SLC40A1: variants seen among roughly 807,000 people sequenced by gnomAD.
The protein encoded by SLC40A1 is ferroportin.
A neutral mutation model predicts 53.5 loss-of-function variants in SLC40A1; 16 were observed. The ratio of observed to expected loss-of-function variants is 0.30; its 90% CI spans 0.20 to 0.45. The LOEUF (loss-of-function observed/expected upper bound fraction) is 0.45. Among genes scored for constraint, SLC40A1 ranks in the 20% least tolerant of loss-of-function variants. SLC40A1 has a pLI of 1.00. For missense variants in SLC40A1, 545 were observed against 695.4 expected (o/e 0.78, Z 2.43); for synonymous variants, 247 against 253.2 (o/e 0.98, Z 0.23).
In SLC40A1 at chr2:189,562,010, G is replaced by C; in HGVS notation, c.1584C>G (p.Val528=). ...TAATGTGGCCCATTGCCACAAAGGA[G>C]ACTGAAATCAATACGAGCAAGCCAA... ...EAFGLLVLIS[V]SFVAMGHIMY... is the part of the protein sequence containing the mutation. Residue 528 remains valine (V), a synonymous_variant, in exon 8 of 8, where the codon GTC becomes GTG. Transcript: ENST00000261024. 2 of 1,614,098 alleles carry C rather than the reference G, an allele frequency of 1.2e-6. No individual in the cohort carries two copies. Among genetic ancestry groups the C allele is most frequent in the Non-Finnish European group, 1.7e-6 (2 of 1,179,996 alleles).
chr2:189,574,018 G>A (rs1298755630), intron 3 of SLC40A1, among the ~76,000 whole-genome samples: 2 of 152,192 alleles, frequency 1.3e-5, no homozygotes, highest in Admixed American at 1.3e-4. Flanking sequence ...TGTAAGAGCA[G>A]AGGTGGTAAC....
intron 4 of SLC40A1, 98 bp from the exon 5 acceptor site, chr2:189,571,939 G>A: frequency 1.2e-6 from 1 of 809,652 alleles, no homozygotes; most frequent in Non-Finnish European, 2.2e-6. Flanking sequence ...TTGGTGGAAT[G>A]ATAAAAAAAG....
intron 6 of SLC40A1, 126 bp downstream of exon 6, chr2:189,565,228 A>C (rs1300224217): frequency 8.3e-7 from 1 of 1,199,242 alleles, no homozygotes; most frequent in Non-Finnish European, 1.2e-6. Flanking sequence ...CCAAAGCGAT[A>C]TATTTAACCT....
chr2:189,578,090 G>C (rs912837650), intron 2 of SLC40A1: 2 of 552,428 alleles, frequency 3.6e-6, no homozygotes, highest in Admixed American at 6.3e-5. Context: ...GACTTGGCAG[G>C]GTGGGACGGA....
rs547834367 is a variant in SLC40A1 at position 189,564,756 on chromosome 2, C to T, written c.761-531G>A. ...TTGGGAGGCTGAGGCAGGAGAATGG[C>T]GTGAACCCAGGAGGCAGAGCTTGCA... On this transcript the variant is annotated intron_variant, in intron 6 of 7. Coordinates refer to ENST00000261024, the MANE Select transcript of SLC40A1 (RefSeq NM_014585.6). 4.6e-5 allele frequency among the ~76,000 whole-genome samples: 7 copies of T among 152,242 alleles called. No individual in the cohort carries two copies. In the South Asian group the frequency reaches 1.4e-3, roughly 32 times the overall value.
chr2:189,575,140 T>C, intron 3 of SLC40A1, 21 bp downstream of exon 3: 4 of 1,613,672 alleles, frequency 2.5e-6, no homozygotes, highest in Non-Finnish European at 3.4e-6. Flanking sequence ...TAAAAGGGCT[T>C]AATTATATAA....
At chr2:189,580,036 T>C (rs1574248669) in intron 1 of SLC40A1, among the ~76,000 whole-genome samples, 156 bp from the exon 2 acceptor site, 1 of 152,248 alleles carries the variant, frequency 6.6e-6, no homozygotes, top group East Asian at 1.9e-4. Flanking sequence ...TATGAACCGA[T>C]GTATTTCGTT....
chr2:189,570,075 C>T, intron 5 of SLC40A1, among the ~76,000 whole-genome samples: 2 of 143,680 alleles, frequency 1.4e-5, no homozygotes, highest in African/African-American at 5.1e-5. Context: ...TATATATATA[C>T]ACATCTATAT....
At position 189,572,500 on chromosome 2, in the gene SLC40A1, C is replaced by T. The variant is rs890519585; in HGVS notation, c.387+346G>A. ...GAAGTAACAATTATTATTGGAGGAA[C>T]GCAATTATGACTGACTAATATAGAT... On this transcript the variant is annotated intron_variant, in intron 4 of 7. Transcript: ENST00000261024. The T allele has an allele frequency of 3.6e-5, 11 of 308,588 alleles. 1 individual carries two copies. Among genetic ancestry groups the T allele is most frequent in the South Asian group, 2.7e-4 (8 of 29,292 alleles). 19.1% of individuals were successfully genotyped at this position (308,588 alleles called of 1,614,324 possible). A position where few individuals can be genotyped will look rare whatever the true frequency, so the allele number is the denominator to read the frequency against.
At chr2:189,579,775 T>C (rs546348281) in intron 2 of SLC40A1, 38 bp downstream of exon 2, 1 of 1,563,560 alleles carries the variant, frequency 6.4e-7, no homozygotes, top group African/African-American at 1.4e-5. Flanking sequence ...AATAAAAAAT[T>C]GCGCAACTGT....
At position 189,564,242 on chromosome 2, in the gene SLC40A1, C is replaced by A. The variant is rs760117103; in HGVS notation, c.761-17G>T. 7 of 1,611,306 alleles carry A rather than the reference C, an allele frequency of 4.3e-6. No individual in the cohort carries two copies. Among genetic ancestry groups the A allele is most frequent in the East Asian group, 2.2e-5 (1 of 44,860 alleles). ...GCTCAGTATCTGTTAAGAAAAGATA[C>A]CATTATTTTGTTGGGGAGGACATGT... On this transcript the variant is annotated splice_polypyrimidine_tract_variant and intron_variant, in intron 6 of 7. Transcript: ENST00000261024.
chr2:189,562,087 G>A lies in SLC40A1; in HGVS notation c.1507C>T (p.Leu503Phe). ...ACCATGATGAAATGCAGAAGATCAA[G>A]AAGATAGTTCATGGAGTTCTGTACA... ...NGVQNSMNYL[L>F]DLLHFIMVIL... Residue 503 changes from leucine to phenylalanine, a missense_variant, in exon 8 of 8, where the codon CTT becomes TTT. Leu to Phe is a conservative substitution (Grantham distance 22). Coordinates refer to ENST00000261024, the MANE Select transcript of SLC40A1 (RefSeq NM_014585.6). 6.2e-7 allele frequency: 1 copy of A among 1,614,042 alleles called. No individual in the cohort carries two copies. Among genetic ancestry groups the A allele is most frequent in the Non-Finnish European group, 8.5e-7 (1 of 1,179,924 alleles).
At position 189,572,612 on chromosome 2, in the gene SLC40A1, A is replaced by T. The variant is rs2031165803; in HGVS notation, c.387+234T>A. On this transcript the variant is annotated intron_variant, in intron 4 of 7. Coordinates refer to ENST00000261024, the MANE Select transcript of SLC40A1 (RefSeq NM_014585.6). ...CAACTGAATTCTATAGTAAACTCTT[A>T]GAAATGCCATTAGAAACCAATAGGA... The T allele has an allele frequency of 1.6e-5, 9 of 579,426 alleles. No homozygotes were observed. The South Asian group carries it at 1.6e-4, about 11-fold the overall frequency. The allele number at this position is 579,426 out of a possible 1,614,324, so 35.9% of individuals were successfully genotyped here. A position where few individuals can be genotyped will look rare whatever the true frequency, so the allele number is the denominator to read the frequency against.
At chr2:189,565,714 C>A in intron 5 of SLC40A1, 115 bp from the exon 6 acceptor site, 2 of 1,412,330 alleles carry the variant, frequency 1.4e-6, no homozygotes, top group Non-Finnish European at 2.0e-6. Flanking sequence ...ATGTGGTTTT[C>A]TAAAAGTACA....
In SLC40A1 at chr2:189,580,589, A is replaced by C; in HGVS notation, c.-129T>G. 1 of 1,580,554 alleles carries C rather than the reference A, an allele frequency of 6.3e-7. No homozygotes were observed. Among genetic ancestry groups the C allele is most frequent in the Non-Finnish European group, 8.6e-7 (1 of 1,168,690 alleles). On this transcript the variant is annotated 5_prime_UTR_variant, in exon 1 of 8. Coordinates refer to ENST00000261024, the MANE Select transcript of SLC40A1 (RefSeq NM_014585.6). ...TAAAAACACAACAGCCTTGGGCAAAAAGACTACAACGACGACTTTGGCAAA... is the reference window on the plus strand; with the variant it reads ...TAAAAACACAACAGCCTTGGGCAAACAGACTACAACGACGACTTTGGCAAA...
At position 189,580,360 on chromosome 2, in the gene SLC40A1, C is replaced by T; in HGVS notation, c.43+58G>A. The T allele has an allele frequency of 3.2e-6, 5 of 1,558,794 alleles. No homozygotes were observed. In the South Asian group the frequency reaches 5.6e-5, roughly 17 times the overall value. On this transcript the variant is annotated intron_variant, in intron 1 of 7. Coordinates refer to ENST00000261024, the MANE Select transcript of SLC40A1 (RefSeq NM_014585.6). ...TTCCTCCAGAACTCGTGTAGAGTTG[C>T]TTGTCTCCAAAGCCCCACCTGGGTT...
chr2:189,564,194 A>C lies in SLC40A1; in HGVS notation c.792T>G (p.His264Gln), dbSNP rs941911747. 6.2e-7 allele frequency: 1 copy of C among 1,613,974 alleles called. No individual in the cohort carries two copies. Among genetic ancestry groups the C allele is most frequent in the Non-Finnish European group, 8.5e-7 (1 of 1,179,940 alleles). The change falls in exon 7 of 8, where the codon CAT becomes CAG. Residue 264 changes from histidine to glutamine, a missense_variant. Around this residue, in one of 4 missense-constraint regions of SLC40A1, gnomAD observed 107 missense variants for 91.0 expected, o/e 1.18. Coordinates refer to ENST00000261024, the MANE Select transcript of SLC40A1 (RefSeq NM_014585.6). ...DTEPKPLEGT[H>Q]LMGVKDSNIH... is the part of the protein sequence containing the mutation. ...TGTTAGAGTCTTTCACACCCATTAGATGAGTTCCCTCCAGGGGTTTTGGCT... is the reference window on the plus strand; with the variant it reads ...TGTTAGAGTCTTTCACACCCATTAGCTGAGTTCCCTCCAGGGGTTTTGGCT...
chr2:189,580,285 T>C (rs1016177433), intron 1 of SLC40A1, 133 bp downstream of exon 1: 44 of 987,072 alleles, frequency 4.5e-5, no homozygotes, highest in Non-Finnish European at 6.7e-5. Flanking sequence ...GTCCACCAAA[T>C]ATGAGTCAAA....
intron 2 of SLC40A1, among the ~76,000 whole-genome samples, chr2:189,579,300 G>C (rs2031385618): frequency 6.6e-6 from 1 of 152,172 alleles, no homozygotes; most frequent in Admixed American, 6.5e-5. Flanking sequence ...TTGTCACTCA[G>C]ATATTTGTTC....
Sources: gnomAD v4.1 joint callset for allele counts (sites outside exome capture counted in the v4.1 genomes callset) on GRCh38, gnomAD v4.1.1 for gene constraint, gnomAD v4.1.1 regional missense constraint, MANE v1.5 for transcripts, NCBI Gene and HGNC (gene_info 2026-07-23, HGNC 2026-07-21) for gene names.